CACNA1C: variants seen among roughly 807,000 people sequenced by gnomAD.
The protein encoded by CACNA1C is voltage-dependent L-type calcium channel subunit alpha-1C.
In CACNA1C, 30 loss-of-function variants were observed where a neutral mutation model predicts 229.0. The ratio of observed to expected loss-of-function variants is 0.13; its 90% CI spans 0.10 to 0.18. The LOEUF (loss-of-function observed/expected upper bound fraction) is 0.18, where lower values mean the gene tolerates loss of function less well. CACNA1C is among the 10% of genes least tolerant of loss of function. The pLI is 1.00. For synonymous variants in CACNA1C, 1,114 were observed against 1,132.5 expected, an observed-to-expected ratio of 0.98 and a Z score of 0.33; for missense variants, 1,658 against 2,845.0, an observed-to-expected ratio of 0.58 and a Z score of 9.49.
At chr12:2,153,255 A>T (rs2095383265) in intron 3 of CACNA1C, among the ~76,000 whole-genome samples, 1 of 152,160 alleles carries the variant, frequency 6.6e-6, no homozygotes, top group Middle Eastern at 3.2e-3. Flanking sequence ...AACACTCAAG[A>T]AGCTTCCCAC....
chr12:2,366,130 G>A (rs1462220467), intron 3 of CACNA1C, among the ~76,000 whole-genome samples: 1 of 152,162 alleles, frequency 6.6e-6, no homozygotes, highest in Non-Finnish European at 1.5e-5. Flanking sequence ...TAGAGCTGAG[G>A]CATCCTGAGC....
At chr12:2,414,559 A>G (rs1041119109) in intron 3 of CACNA1C, among the ~76,000 whole-genome samples, 3 of 152,180 alleles carry the variant, frequency 2.0e-5, no homozygotes, top group African/African-American at 7.2e-5. Flanking sequence ...CCAGTGTCAA[A>G]GGAAGGGCAG....
At chr12:2,672,347 G>C (rs2096604548) in intron 38 of CACNA1C, 1 of 152,052 alleles carries the variant, frequency 6.6e-6, no homozygotes, top group African/African-American at 2.4e-5. Flanking sequence ...AATAAATTAA[G>C]GCTGATAAAA....
intron 3 of CACNA1C, among the ~76,000 whole-genome samples, chr12:2,331,164 C>A (rs919796092): frequency 6.6e-6 from 1 of 152,028 alleles, no homozygotes; most frequent in African/African-American, 2.4e-5. Context: ...TCAACCTCAG[C>A]AATAATTTAA....
rs746518126 is a variant in CACNA1C at position 2,639,218 on chromosome 12, G to A, written c.3912+4838G>A. Among the ~76,000 whole-genome samples the A allele has an allele frequency of 2.4e-4, 36 of 152,240 alleles. No homozygotes were observed. The highest frequency in any genetic ancestry group is 7.2e-4 in the Admixed American group (11 of 15,304). On this transcript the variant is annotated intron_variant, in intron 30 of 46. Transcript: ENST00000399655. This position sits in a 1 kb window ranked among gnomAD's most constrained non-coding sequence, Gnocchi z 4.2. ...CCGAGCTTTTCTTCCTCTGTGAGCC[G>A]GGGAGGTAAGAGTGCGATGTCCTGC...
At chr12:2,397,233 T>A (rs1057121107) in intron 3 of CACNA1C, among the ~76,000 whole-genome samples, 1 of 152,242 alleles carries the variant, frequency 6.6e-6, no homozygotes, top group Admixed American at 6.5e-5. Flanking sequence ...GTGTTATCCA[T>A]CAAGAAGAGT....
At chr12:2,114,358 A>C (rs1290069155) in intron 1 of CACNA1C, among the ~76,000 whole-genome samples, 1 of 152,062 alleles carries the variant, frequency 6.6e-6, no homozygotes, top group South Asian at 2.1e-4. Context: ...ATCCAGAGAC[A>C]GTCAGGGGGA....
chr12:1,984,831 A>G (rs1477296820), intron 1 of CACNA1C, among the ~76,000 whole-genome samples: 1 of 147,200 alleles, frequency 6.8e-6, no homozygotes, highest in Non-Finnish European at 1.5e-5. Context: ...TTATCAGAGT[A>G]TATGTCTTTA....
At chr12:2,230,731 C>T (rs915720298) in intron 3 of CACNA1C, among the ~76,000 whole-genome samples, 1 of 152,226 alleles carries the variant, frequency 6.6e-6, no homozygotes, top group Non-Finnish European at 1.5e-5. Flanking sequence ...GCCATAAATA[C>T]ATTTCTCCAA....
chr12:2,280,239 G>T (rs12306473), intron 3 of CACNA1C, among the ~76,000 whole-genome samples: 3,540 of 45,874 alleles, frequency 0.077, 311 homozygotes, highest in African/African-American at 0.19. Context: ...AACCTCTTGA[G>T]ACCTTGCTGT....
intron 1 of CACNA1C, among the ~76,000 whole-genome samples, chr12:2,093,209 G>C (rs952182281): frequency 1.3e-5 from 2 of 152,234 alleles, no homozygotes; most frequent in African/African-American, 4.8e-5. Flanking sequence ...ATGTGTCTGT[G>C]TGGGTGACTA....
chr12:2,453,285 C>A (rs1027640398), intron 4 of CACNA1C, among the ~76,000 whole-genome samples: 1 of 152,150 alleles, frequency 6.6e-6, no homozygotes, highest in East Asian at 1.9e-4. Flanking sequence ...TCTGGCTAAT[C>A]CCCCAGCTGC....
chr12:2,416,827 G>A (rs1439516179), intron 3 of CACNA1C, among the ~76,000 whole-genome samples: 3 of 152,186 alleles, frequency 2.0e-5, no homozygotes, highest in Non-Finnish European at 2.9e-5. Flanking sequence ...TACAAACGAG[G>A]ACTCTAAGAA....
At chr12:2,368,950 G>C (rs996442595) in intron 3 of CACNA1C, among the ~76,000 whole-genome samples, 1 of 152,208 alleles carries the variant, frequency 6.6e-6, no homozygotes, top group African/African-American at 2.4e-5. Context: ...AGGAATCCAC[G>C]GACAGAGCTG....
chr12:2,380,863 G>A (rs1399857407), intron 3 of CACNA1C, among the ~76,000 whole-genome samples: 3 of 152,190 alleles, frequency 2.0e-5, no homozygotes, highest in Admixed American at 6.5e-5. Context: ...ATTACAGCAC[G>A]TAAGATGGAT....
chr12:2,481,614 G>A (rs530058863), intron 5 of CACNA1C, among the ~76,000 whole-genome samples: 40 of 152,336 alleles, frequency 2.6e-4, no homozygotes, highest in Non-Finnish European at 4.6e-4. Flanking sequence ...CCGCCAAGAG[G>A]CAGTCACTTG....
intron 18 of CACNA1C, among the ~76,000 whole-genome samples, chr12:2,588,755 T>C (rs1171850756): frequency 6.6e-6 from 1 of 152,190 alleles, no homozygotes; most frequent in Non-Finnish European, 1.5e-5. Context: ...AGGAAAGCAT[T>C]GTGCCCAGAT....
rs191455708 is a variant in CACNA1C, at chr12:1,985,061, T to A, written c.139+13860T>A. On this transcript the variant is annotated intron_variant, in intron 1 of 46. Coordinates refer to the CACNA1C transcript ENST00000682462. Reference sequence around the variant, plus strand: ...AAAAAAAAAAAAAAATCTTTGTTTTTCAGCAGTTTGATTGTGACTGTCATG... The same window carrying A: ...AAAAAAAAAAAAAAATCTTTGTTTTACAGCAGTTTGATTGTGACTGTCATG... Among the ~76,000 whole-genome samples, 20 of 152,228 alleles carry A rather than the reference T, an allele frequency of 1.3e-4. No individual in the cohort carries two copies. The East Asian group carries it at 3.9e-3, about 29-fold the overall frequency.
At chr12:2,307,565 G>T (rs953595397) in intron 3 of CACNA1C, among the ~76,000 whole-genome samples, 1 of 152,162 alleles carries the variant, frequency 6.6e-6, no homozygotes, top group Non-Finnish European at 1.5e-5. Flanking sequence ...TTACTGTGCC[G>T]CAGACCCACC....
Sources: gnomAD v4.1 joint callset for allele counts (sites outside exome capture counted in the v4.1 genomes callset) on GRCh38, gnomAD v4.1.1 for gene constraint, Gnocchi (gnomAD v3.1) non-coding constraint, MANE v1.5 for transcripts, NCBI Gene and HGNC (gene_info 2026-07-23, HGNC 2026-07-21) for gene names.